NAA40: variants seen among roughly 807,000 people sequenced by gnomAD.
NAA40 encodes N-alpha-acetyltransferase 40.
Under a neutral mutation model 36.6 loss-of-function variants are expected in NAA40, and 26 were observed. That is an observed-to-expected ratio of 0.71 (90% confidence interval 0.52 to 0.98). The LOEUF is 0.98. Ranked by LOEUF, NAA40 falls within the 50% of genes least tolerant of loss-of-function variation. The pLI is 0.00. For missense variants in NAA40, 237 were observed against 306.5 expected (o/e 0.77, Z 1.69); for synonymous variants, 129 against 108.4 (o/e 1.19, Z -1.18).
intron 3 of NAA40, among the ~76,000 whole-genome samples, chr11:63,950,928 C>CA (rs1942270198): frequency 6.6e-6 from 1 of 152,192 alleles, no homozygotes; most frequent in African/African-American, 2.4e-5. Context: ...TTCGTACCTG[C>CA]AGGTGGGCTT....
rs873928 is a variant in NAA40, at chr11:63,939,002, G to C, written c.-95G>C. 0.052 allele frequency: 61,355 copies of C among 1,187,696 alleles called. 4,028 individuals carry two copies. The highest frequency in any genetic ancestry group is 0.31 in the African/African-American group (17,764 of 56,900). 73.6% of individuals were successfully genotyped at this position (1,187,696 alleles called of 1,614,324 possible). On this transcript the variant is annotated 5_prime_UTR_variant, in exon 1 of 8. Transcript: ENST00000377793. ...CGAGGCGCATGCGCGTTGCAGGGCC[G>C]TCCGCTCTGCTGCCGCCGCTGTTGC... is the stretch of plus-strand genomic sequence containing the variant.
rs1687615945 is a variant in NAA40 at position 63,955,351 on chromosome 11, C to A, written c.*872C>A. On this transcript the variant is annotated 3_prime_UTR_variant, in exon 8 of 8. Transcript: ENST00000377793. ...TCTCCTCTGCCTCTCACCTCTACCC[C>A]AAATACCTCTGTTCTTAGTCTCAAG... 6.6e-6 allele frequency: 1 copy of A among 152,662 alleles called. No homozygotes were observed. Among genetic ancestry groups the A allele is most frequent in the African/African-American group, 2.4e-5 (1 of 41,446 alleles). 9.5% of individuals were successfully genotyped at this position (152,662 alleles called of 1,614,324 possible). A position where few individuals can be genotyped will look rare whatever the true frequency, so the allele number is the denominator to read the frequency against.
intron 7 of NAA40, 122 bp from the exon 8 acceptor site, chr11:63,954,216 G>C (rs1490340644): frequency 4.2e-6 from 6 of 1,420,814 alleles, no homozygotes; most frequent in Non-Finnish European, 5.7e-6. Context: ...TTGGTCCACT[G>C]TCCACCTCCT....
intron 1 of NAA40, among the ~76,000 whole-genome samples, chr11:63,943,842 T>C (rs1729709700): frequency 6.6e-6 from 1 of 152,188 alleles, no homozygotes; most frequent in South Asian, 2.1e-4. Context: ...GTAAAGGTAC[T>C]TTGCAAGCTT....
At chr11:63,942,554 T>C (rs1463858075) in intron 1 of NAA40, among the ~76,000 whole-genome samples, 1 of 152,202 alleles carries the variant, frequency 6.6e-6, no homozygotes, top group African/African-American at 2.4e-5. Context: ...GCACTCTCTT[T>C]TTTTGTACAA....
chr11:63,954,628 G>A lies in NAA40; in HGVS notation c.*149G>A. On this transcript the variant is annotated 3_prime_UTR_variant, in exon 8 of 8. Transcript: ENST00000377793. ...CCCTGAGAGCACAGAACCCTGGGGA[G>A]AAGTGGTATCAGCTGCTCCTCCTCT... The A allele has an allele frequency of 2.5e-6, 2 of 810,734 alleles. No homozygotes were observed. Among genetic ancestry groups the A allele is most frequent in the Non-Finnish European group, 3.6e-6 (2 of 561,240 alleles). The allele number at this position is 810,734 out of a possible 1,614,324, so 50.2% of individuals were successfully genotyped here.
chr11:63,946,136 CGTGG>C, intron 2 of NAA40: 1 of 576,672 alleles, frequency 1.7e-6, no homozygotes, highest in Non-Finnish European at 3.1e-6. Context: ...TTTGGGAAAA[CGTGG>C]ATTCCAGTGA....
intron 6 of NAA40, 40 bp from the exon 7 acceptor site, chr11:63,953,932 G>A (rs1942320851): frequency 6.3e-7 from 1 of 1,582,190 alleles, no homozygotes; most frequent in Non-Finnish European, 8.7e-7. Flanking sequence ...GCCTGGCCAT[G>A]TTTCTCTTTC....
intron 1 of NAA40, 88 bp from the exon 2 acceptor site, chr11:63,945,752 G>C: frequency 8.7e-7 from 1 of 1,149,172 alleles, no homozygotes; most frequent in East Asian, 2.3e-5. Flanking sequence ...CAGGCCTGTG[G>C]ATGCAGGGCC....
At chr11:63,941,768 GGT>G (rs1470274560) in intron 1 of NAA40, among the ~76,000 whole-genome samples, 1 of 152,118 alleles carries the variant, frequency 6.6e-6, no homozygotes, top group Admixed American at 6.6e-5. Context: ...TGGCTAGGCT[GGT>G]CTTGAACTCC....
intron 5 of NAA40, 82 bp downstream of exon 5, chr11:63,952,647 G>GT: frequency 6.2e-7 from 1 of 1,602,660 alleles, no homozygotes; most frequent in South Asian, 1.1e-5. Flanking sequence ...CAAAGCCCCT[G>GT]GACCTACCTA....
chr11:63,944,081 A>G (rs969735369), intron 1 of NAA40, among the ~76,000 whole-genome samples: 9 of 152,204 alleles, frequency 5.9e-5, no homozygotes, highest in East Asian at 1.9e-4. Flanking sequence ...GTTTGTGGCT[A>G]TAAGAACAAT....
intron 1 of NAA40, among the ~76,000 whole-genome samples, chr11:63,942,194 G>A (rs948312486): frequency 1.6e-4 from 24 of 152,226 alleles, no homozygotes; most frequent in African/African-American, 5.8e-4. Context: ...GGAAGAGACC[G>A]CTTTGAGAAC....
intron 2 of NAA40, chr11:63,946,540 C>G: frequency 8.6e-7 from 1 of 1,161,494 alleles, no homozygotes. Context: ...TTTGGTCATT[C>G]TTTTAACCCA....
intron 7 of NAA40, 103 bp from the exon 8 acceptor site, chr11:63,954,235 A>T (rs1942327269): frequency 3.5e-5 from 52 of 1,479,168 alleles, no homozygotes; most frequent in Non-Finnish European, 4.7e-5. Context: ...CTGCACCCTC[A>T]TCCTAAGGGT....
intron 3 of NAA40, 55 bp downstream of exon 3, chr11:63,947,058 C>T: frequency 2.6e-6 from 4 of 1,531,536 alleles, no homozygotes; most frequent in Non-Finnish European, 3.6e-6. Context: ...TTCAGGAATT[C>T]CCTTTCCAGA....
chr11:63,949,009 T>C (rs1565172039), intron 3 of NAA40, among the ~76,000 whole-genome samples: 1 of 152,068 alleles, frequency 6.6e-6, no homozygotes, highest in Non-Finnish European at 1.5e-5. Context: ...AGGAAGACCC[T>C]GTCTCTACAA....
intron 1 of NAA40, among the ~76,000 whole-genome samples, chr11:63,942,255 A>G (rs1942120154): frequency 6.6e-6 from 1 of 152,220 alleles, no homozygotes; most frequent in Admixed American, 6.5e-5. Flanking sequence ...TCTGTGCCTC[A>G]GGTTTCTCAT....
chr11:63,953,458 C>T (rs905874784), intron 6 of NAA40, among the ~76,000 whole-genome samples: 1 of 152,160 alleles, frequency 6.6e-6, no homozygotes, highest in Admixed American at 6.6e-5. Context: ...TGGTCAGGGC[C>T]GATGCCTGTG....
Sources: allele counts gnomAD v4.1 joint callset (sites outside exome capture counted in the v4.1 genomes callset), GRCh38; gene constraint gnomAD v4.1.1; transcripts MANE v1.5; gene names NCBI Gene and HGNC (gene_info 2026-07-23, HGNC 2026-07-21).